Variants in TMCO6 observed in about 807,000 individuals in gnomAD.
TMCO6 encodes transmembrane and coiled-coil domain-containing protein 6.
TMCO6 carries 47 observed loss-of-function variants against 61.8 expected under a neutral mutation model. The observed-to-expected ratio is 0.76, with a 90% CI of 0.60 to 0.97. The LOEUF (loss-of-function observed/expected upper bound fraction) is 0.97. Among genes scored for constraint, TMCO6 ranks in the 50% least tolerant of loss-of-function variants. TMCO6 has a pLI of 0.00. For synonymous variants in TMCO6, 261 were observed against 254.2 expected (o/e 1.03, Z -0.25); for missense variants, 557 against 601.6 (o/e 0.93, Z 0.78).
At position 140,639,859 on chromosome 5, in the gene TMCO6, G is replaced by A; in HGVS notation, c.198+8G>A. The A allele has an allele frequency of 6.3e-7, 1 of 1,593,880 alleles. No homozygotes were observed. Among genetic ancestry groups the A allele is most frequent in the Non-Finnish European group, 8.5e-7 (1 of 1,171,286 alleles). On this transcript the variant is annotated splice_region_variant and intron_variant, in intron 2 of 11. Transcript: ENST00000394671. ...ATCCTCGGGGAAACCGAGGTGAGGG[G>A]GCAAGGTAGGGTGCGCTGGAGTCCA...
the TMCO6 span, among the ~76,000 whole-genome samples, chr5:140,627,756 T>C: frequency 2.0e-5 from 3 of 150,078 alleles, no homozygotes; most frequent in African/African-American, 7.3e-5. Flanking sequence ...ATTAGCCAGG[T>C]GTGGTGGCGG....
chr5:140,647,597 G>C, downstream of TMCO6: 3 of 1,607,892 alleles, frequency 1.9e-6, no homozygotes, highest in Non-Finnish European at 2.5e-6. Flanking sequence ...TGTTAATATC[G>C]AAGTCGCCAA....
chr5:140,614,620 T>C, the TMCO6 span, among the ~76,000 whole-genome samples: 1 of 150,580 alleles, frequency 6.6e-6, no homozygotes, highest in Non-Finnish European at 1.5e-5. Context: ...TTTCATTCCT[T>C]TTTTTTTTTC....
At chr5:140,614,244 C>T in the TMCO6 span, among the ~76,000 whole-genome samples, 1 of 151,834 alleles carries the variant, frequency 6.6e-6, no homozygotes, top group Admixed American at 6.6e-5. Flanking sequence ...CACAGTAGCT[C>T]ATGCCTGTAA....
chr5:140,644,739 A>G lies in TMCO6; in HGVS notation c.1367A>G (p.Glu456Gly), dbSNP rs1757289561. Residue 456 changes from glutamate to glycine, a missense_variant and splice_region_variant, in exon 11 of 12, where the codon GAG becomes GGG. Glu to Gly is a moderately conservative substitution (Grantham distance 98). Transcript: ENST00000394671. ...LLHLLFLYQPEAVQVFLQQSG... is the reference protein window; with the variant it reads ...LLHLLFLYQPGAVQVFLQQSG... ...CATCTGCTGTTCCTGTATCAGCCAG[A>G]GGTATAGGTTTCTGGCCCACATCCT... 1 of 1,613,972 alleles carries G rather than the reference A, an allele frequency of 6.2e-7. No individual in the cohort carries two copies. The highest frequency in any genetic ancestry group is 1.3e-5 in the African/African-American group (1 of 74,906).
the TMCO6 span, among the ~76,000 whole-genome samples, chr5:140,627,243 T>C: frequency 6.6e-6 from 1 of 152,004 alleles, no homozygotes; most frequent in East Asian, 1.9e-4. Flanking sequence ...AAGTAAGCAA[T>C]TTTAATTATG....
At chr5:140,642,820 T>C (rs778752218) in intron 6 of TMCO6, 105 bp from the exon 7 acceptor site, 12 of 1,599,490 alleles carry the variant, frequency 7.5e-6, no homozygotes, top group Non-Finnish European at 1.0e-5. Flanking sequence ...CTTTCCCATC[T>C]GGGCAGGGCT....
At chr5:140,612,835 A>G in the TMCO6 span, among the ~76,000 whole-genome samples, 2 of 152,254 alleles carry the variant, frequency 1.3e-5, no homozygotes, top group African/African-American at 4.8e-5. Context: ...TTAGTGAAGT[A>G]AAATACTATT....
chr5:140,637,935 T>C (rs1455830616), upstream of TMCO6, among the ~76,000 whole-genome samples: 1 of 152,004 alleles, frequency 6.6e-6, no homozygotes, highest in Non-Finnish European at 1.5e-5. Flanking sequence ...CTCTCTTCCC[T>C]TCCTCCTTTC....
rs1157472638 is a variant in TMCO6, at chr5:140,643,855, C to T, written c.994C>T (p.Gln332Ter). ...AAVETVGGQM[Q>*]LRDERVVAAL... is the part of the protein sequence containing the mutation. Reference sequence around the variant, plus strand: ...AGTGGAGACTGTGGGAGGGCAAATGCAGCTCAGAGATGAGCGTGTTGTGGC... The same window carrying T: ...AGTGGAGACTGTGGGAGGGCAAATGTAGCTCAGAGATGAGCGTGTTGTGGC... The change falls in exon 9 of 12, where the codon CAG becomes TAG. Residue 332 changes from glutamine (Q) to a stop codon, truncating the protein, a stop_gained. Transcript: ENST00000394671. LOFTEE classifies it high-confidence loss of function. 1 of 1,614,230 alleles carries T rather than the reference C, an allele frequency of 6.2e-7. No homozygotes were observed. Among genetic ancestry groups the T allele is most frequent in the Admixed American group, 1.7e-5 (1 of 60,024 alleles).
At chr5:140,642,078 G>C (rs375838833) in intron 4 of TMCO6, 25 bp downstream of exon 4, 26 of 1,582,188 alleles carry the variant, frequency 1.6e-5, no homozygotes, top group Non-Finnish European at 2.2e-5. Context: ...TTCCTATCTT[G>C]TTCTTGGTTT....
At chr5:140,612,806 CA>C in the TMCO6 span, among the ~76,000 whole-genome samples, 1 of 152,210 alleles carries the variant, frequency 6.6e-6, no homozygotes, top group African/African-American at 2.4e-5. Flanking sequence ...CTCAGTTCAG[CA>C]AATATTTTTA....
the TMCO6 span, among the ~76,000 whole-genome samples, chr5:140,601,868 A>T: frequency 6.6e-6 from 1 of 152,206 alleles, no homozygotes; most frequent in African/African-American, 2.4e-5. Flanking sequence ...GTTAATAATA[A>T]GCTTTAGGAC....
At chr5:140,644,019 C>CT in intron 9 of TMCO6, 53 bp downstream of exon 9, 1 of 1,613,468 alleles carries the variant, frequency 6.2e-7, no homozygotes, top group East Asian at 2.2e-5. Context: ...GGGATATTTC[C>CT]TCATGGCCTA....
At chr5:140,646,897 CTA>C (rs1757434426), downstream of TMCO6, among the ~76,000 whole-genome samples, 1 of 152,178 alleles carries the variant, frequency 6.6e-6, no homozygotes, top group African/African-American at 2.4e-5. Context: ...GGGCCCAGCT[CTA>C]TGTGCAAAAT....
chr5:140,603,510 G>A, the TMCO6 span, among the ~76,000 whole-genome samples: 2 of 152,010 alleles, frequency 1.3e-5, no homozygotes, highest in African/African-American at 4.8e-5. Flanking sequence ...ATTACACCAT[G>A]TTGGCCAGGT....
chr5:140,601,349 T>A, the TMCO6 span, among the ~76,000 whole-genome samples: 1 of 152,170 alleles, frequency 6.6e-6, no homozygotes. Flanking sequence ...CCATTTGTCA[T>A]CAATCCTTAT....
At chr5:140,625,215 T>C in the TMCO6 span, among the ~76,000 whole-genome samples, 2 of 152,172 alleles carry the variant, frequency 1.3e-5, no homozygotes, top group Admixed American at 6.5e-5. Context: ...TTACTCTCTA[T>C]AGTTTACTTT....
the TMCO6 span, among the ~76,000 whole-genome samples, chr5:140,611,332 C>T: frequency 6.6e-6 from 1 of 152,150 alleles, no homozygotes; most frequent in Non-Finnish European, 1.5e-5. Flanking sequence ...TTTAGCTTCC[C>T]TATCTCAGTG....
Sources: gnomAD v4.1 joint callset for allele counts (sites outside exome capture counted in the v4.1 genomes callset) on GRCh38, gnomAD v4.1.1 for gene constraint, MANE v1.5 for transcripts, NCBI Gene and HGNC (gene_info 2026-07-23, HGNC 2026-07-21) for gene names.